The following RINT1 variants were observed in gnomAD, a reference collection of about 807,000 sequenced individuals.
RINT1 encodes RAD50 interactor 1.
A neutral mutation model predicts 97.7 loss-of-function variants in RINT1; 75 were observed. The observed-to-expected ratio is 0.77, with a 90% CI of 0.64 to 0.93. RINT1 has a LOEUF of 0.93. RINT1 is among the 40% of genes least tolerant of loss of function. RINT1 has a pLI of 0.00. For synonymous variants in RINT1, 303 were observed against 326.3 expected (o/e 0.93, Z 0.77); for missense variants, 892 against 925.2 (o/e 0.96, Z 0.47).
At chr7:105,555,520 T>A (rs1292967474) in intron 11 of RINT1, among the ~76,000 whole-genome samples, 1 of 152,116 alleles carries the variant, frequency 6.6e-6, no homozygotes, top group Non-Finnish European at 1.5e-5. Flanking sequence ...GTAATTGCAA[T>A]CACAGGAAGA....
rs950100448 is a variant in RINT1 at position 105,563,907 on chromosome 7, A to G, written c.1846A>G (p.Arg616Gly). The change falls in exon 12 of 15, where the codon AGA becomes GGA. Residue 616 changes from arginine to glycine, a missense_variant. By Grantham distance (125) the Arg-to-Gly change is moderately radical. Transcript: ENST00000257700. ...GACCCGTCAAGTAGACCACGTTTTT[A>G]GAGAAGTTAAAGATGCTGCAAAATT... is the stretch of plus-strand genomic sequence containing the variant. ...MLTRQVDHVFREVKDAAKLYK... is the reference protein window; with the variant it reads ...MLTRQVDHVFGEVKDAAKLYK... 1.9e-6 allele frequency: 3 copies of G among 1,614,162 alleles called. No individual in the cohort carries two copies. In the South Asian group the frequency reaches 3.3e-5, roughly 18 times the overall value.
intron 11 of RINT1, among the ~76,000 whole-genome samples, chr7:105,560,222 C>G (rs78380940): frequency 6.6e-6 from 1 of 152,004 alleles, no homozygotes; most frequent in African/African-American, 2.4e-5. Flanking sequence ...GCAGAAATAC[C>G]AAGGTGCCTC....
chr7:105,539,989 TA>T (rs1266698565), intron 3 of RINT1, among the ~76,000 whole-genome samples: 1 of 152,198 alleles, frequency 6.6e-6, no homozygotes, highest in African/African-American at 2.4e-5. Context: ...GAAATTATTC[TA>T]TAATGTTCTT....
intron 12 of RINT1, 52 bp downstream of exon 12, chr7:105,563,999 G>T: frequency 1.5e-6 from 2 of 1,330,470 alleles, no homozygotes; most frequent in Non-Finnish European, 2.1e-6. Flanking sequence ...AAAAGTTAAA[G>T]AATATGTGGT....
intron 9 of RINT1, among the ~76,000 whole-genome samples, chr7:105,550,911 C>T (rs1197323774): frequency 3.3e-5 from 5 of 152,164 alleles, no homozygotes; most frequent in African/African-American, 7.2e-5. Context: ...CGCACTACCA[C>T]GCCTGGCTAA....
In RINT1 at chr7:105,553,734, T is replaced by A. The variant is rs1483898398; in HGVS notation, c.1472-1294T>A. 1.0e-4 allele frequency among the ~76,000 whole-genome samples: 15 copies of A among 148,556 alleles called. No homozygotes were observed. The East Asian group carries it at 2.5e-3, about 25-fold the overall frequency. On this transcript the variant is annotated intron_variant, in intron 10 of 14. Coordinates refer to ENST00000257700, the MANE Select transcript of RINT1 (RefSeq NM_021930.6). ...GCCTGTAAATTGTCTTTTTTTTTTT[T>A]CTTTGAGACAGAGTCTCGCTCTGTC...
rs142797410 is a variant in RINT1, at chr7:105,563,818, C to G, written c.1757C>G (p.Ser586Cys). ...AAATTGCAGCTAGGACAGCTAGCCT[C>G]TATGGAGAGCTCTGTCTTTGATGAC... ...LSKLQLGQLA[S>C]MESSVFDDMI... Residue 586 changes from serine to cysteine, a missense_variant, in exon 12 of 15, where the codon TCT (serine) becomes TGT (cysteine). By Grantham distance (112) the Ser-to-Cys change is moderately radical. Transcript: ENST00000257700. 2.5e-6 allele frequency: 4 copies of G among 1,613,852 alleles called. No homozygotes were observed. In the African/African-American group the frequency reaches 4.0e-5, roughly 16 times the overall value.
chr7:105,532,238 G>C lies in RINT1; in HGVS notation c.-78G>C, dbSNP rs818620. 0.19 allele frequency: 287,859 copies of C among 1,478,248 alleles called. 31,554 individuals carry two copies. The highest frequency in any genetic ancestry group is 0.42 in the African/African-American group (30,545 of 71,924). 91.6% of individuals were successfully genotyped at this position (1,478,248 alleles called of 1,614,324 possible). A position where few individuals can be genotyped will look rare whatever the true frequency, so the allele number is the denominator to read the frequency against. On this transcript the variant is annotated 5_prime_UTR_variant, in exon 1 of 15. Transcript: ENST00000257700. The stretch of plus-strand genomic sequence containing the variant: ...CCTACGGCCTCCGAGGCTGGGTAGT[G>C]AGTGTGTCGCTGGCCTTAGCCAGAC...
Position 105,565,602 on chromosome 7 carries a change from C to G in RINT1, c.2140C>G (p.Pro714Ala). 6.2e-7 allele frequency: 1 copy of G among 1,613,806 alleles called. No individual in the cohort carries two copies. Among genetic ancestry groups the G allele is most frequent in the Non-Finnish European group, 8.5e-7 (1 of 1,179,840 alleles). The part of the protein sequence containing the change: ...LQFDMTRNLF[P>A]LFSHYCKRPE... ...GTTTGATATGACTCGGAATCTTTTC[C>G]CTTTGTTTTCTCACTATTGCAAGAG... is the stretch of plus-strand genomic sequence containing the variant. Residue 714 changes from proline (P) to alanine (A), a missense_variant, in exon 14 of 15, where the codon CCT (proline) becomes GCT (alanine). Transcript: ENST00000257700.
Position 105,532,842 on chromosome 7 carries a change from G to C in RINT1, c.61G>C (p.Asp21His). The C allele has an allele frequency of 6.2e-7, 1 of 1,614,156 alleles. No homozygotes were observed. The change falls in exon 2 of 15, where the codon GAC (aspartate) becomes CAC (histidine). Residue 21 changes from aspartate (D) to histidine (H), a missense_variant. Coordinates refer to ENST00000257700, the MANE Select transcript of RINT1 (RefSeq NM_021930.6). ...CTTCTAGTGCTGCTCTGAAAGTGGT[G>C]ACGAAAGGAAGAACCTCGAGGAGAA... Reference protein sequence around the residue: ...PAAPCCSESGDERKNLEEKSD... With the variant: ...PAAPCCSESGHERKNLEEKSD...
Position 105,542,525 on chromosome 7 carries a change from A to C in RINT1, c.391A>C (p.Ile131Leu), listed in dbSNP as rs1287976128. 2 of 1,614,206 alleles carry C rather than the reference A, an allele frequency of 1.2e-6. No homozygotes were observed. Among genetic ancestry groups the C allele is most frequent in the African/African-American group, 1.3e-5 (1 of 75,068 alleles). Residue 131 changes from isoleucine (I) to leucine (L), a missense_variant, in exon 4 of 15, where the codon ATT (isoleucine) becomes CTT (leucine). Ile to Leu is a conservative substitution (Grantham distance 5). Coordinates refer to ENST00000257700, the MANE Select transcript of RINT1 (RefSeq NM_021930.6). Reference sequence around the variant, plus strand: ...GCAGGAAACTCATCTCTTCAGCGCCATTAACAGCCATTTGCTGACTGCGCA... The same window carrying C: ...GCAGGAAACTCATCTCTTCAGCGCCCTTAACAGCCATTTGCTGACTGCGCA... ...LEQETHLFSA[I>L]NSHLLTAQPW...
chr7:105,547,974 G>A (rs894483978), intron 6 of RINT1, among the ~76,000 whole-genome samples: 87 of 151,900 alleles, frequency 5.7e-4, no homozygotes, highest in Middle Eastern at 3.4e-3. Flanking sequence ...TGATCCACCC[G>A]CCTCAGCTTC....
At chr7:105,553,664 C>T (rs1318313715) in intron 10 of RINT1, among the ~76,000 whole-genome samples, 4 of 149,660 alleles carry the variant, frequency 2.7e-5, no homozygotes, top group Non-Finnish European at 4.4e-5. Context: ...CCACCTGCCT[C>T]GGCCTCCCAA....
chr7:105,536,797 CAATAT>C (rs1790255288), intron 3 of RINT1, 48 bp downstream of exon 3: 2 of 1,135,110 alleles, frequency 1.8e-6, no homozygotes, highest in African/African-American at 3.1e-5. Context: ...ATACTTTTAA[CAATAT>C]AATATAAACA....
At chr7:105,545,533 T>A (rs867598697) in intron 4 of RINT1, among the ~76,000 whole-genome samples, 3,192 of 146,962 alleles carry the variant, frequency 0.022, 50 homozygotes, top group Non-Finnish European at 0.029. Flanking sequence ...TATATATATT[T>A]TTTTTTTTTT....
intron 3 of RINT1, among the ~76,000 whole-genome samples, chr7:105,538,348 G>T (rs1790328566): frequency 6.6e-6 from 1 of 152,128 alleles, no homozygotes; most frequent in African/African-American, 2.4e-5. Context: ...TTCTGTGTGG[G>T]TTATTTCCAG....
At position 105,537,125 on chromosome 7, in the gene RINT1, AT is replaced by A. The variant is rs5886357; in HGVS notation, c.273+398del. Among the ~76,000 whole-genome samples the A allele has an allele frequency of 9.3e-3, 1,050 of 113,340 alleles. 3 individuals carry two copies. Among genetic ancestry groups the A allele is most frequent in the Middle Eastern group, 0.022 (5 of 228 alleles). 74.4% of individuals were successfully genotyped at this position (113,340 alleles called of 152,430 possible). A position where few individuals can be genotyped will look rare whatever the true frequency, so the allele number is the denominator to read the frequency against. Reference sequence around the variant, plus strand: ...CCATGGTGTAAACACCATCATTTCAATTTTTTTTTTTTTTTTTTTTTTGAGA... The same window carrying A: ...CCATGGTGTAAACACCATCATTTCAATTTTTTTTTTTTTTTTTTTTTGAGA... On this transcript the variant is annotated intron_variant, in intron 3 of 14. Transcript: ENST00000257700.
At chr7:105,562,079 A>C (rs919978707) in intron 11 of RINT1, among the ~76,000 whole-genome samples, 2 of 152,192 alleles carry the variant, frequency 1.3e-5, no homozygotes, top group African/African-American at 4.8e-5. Context: ...AGCTATTTAT[A>C]TAAATACTGG....
chr7:105,546,624 A>G (rs1402373246), intron 4 of RINT1, among the ~76,000 whole-genome samples: 1 of 152,202 alleles, frequency 6.6e-6, no homozygotes, highest in Admixed American at 6.6e-5. Context: ...CTCTAATCCC[A>G]GCACTTTGGG....
Sources: allele counts gnomAD v4.1 joint callset (sites outside exome capture counted in the v4.1 genomes callset), GRCh38; gene constraint gnomAD v4.1.1; transcripts MANE v1.5; gene names NCBI Gene and HGNC (gene_info 2026-07-23, HGNC 2026-07-21).